RARS2: variants seen among roughly 807,000 people sequenced by gnomAD.
RARS2 encodes arginyl-tRNA synthetase 2, mitochondrial.
RARS2 carries 67 observed loss-of-function variants against 88.5 expected under a neutral mutation model. The ratio of observed to expected loss-of-function variants is 0.76; its 90% CI spans 0.62 to 0.93. RARS2 has a LOEUF of 0.93. Among genes scored for constraint, RARS2 ranks in the 40% least tolerant of loss-of-function variants. RARS2 has a pLI of 0.00. For synonymous variants in RARS2, 239 were observed against 230.3 expected, an observed-to-expected ratio of 1.04 and a Z score of -0.34; for missense variants, 664 against 684.2, an observed-to-expected ratio of 0.97 and a Z score of 0.33.
intron 1 of RARS2, among the ~76,000 whole-genome samples, chr6:87,570,989 G>C (rs907316429): frequency 6.6e-6 from 1 of 152,152 alleles, no homozygotes; most frequent in Non-Finnish European, 1.5e-5. Context: ...ACTTGCCTAA[G>C]TGGAAAGAAA....
intron 1 of RARS2, among the ~76,000 whole-genome samples, chr6:87,574,635 T>C (rs987561433): frequency 2.0e-5 from 3 of 152,080 alleles, no homozygotes; most frequent in Non-Finnish European, 4.4e-5. Flanking sequence ...AAATGTGGCA[T>C]ACAACAGATC....
Position 87,569,527 on chromosome 6 carries a change from A to T in RARS2, c.100T>A (p.Ser34Thr). The part of the protein sequence containing the change: ...LITSISAVPI[S>T]QKEEVADFQL... ...TGTATTATACTTAACTCTTTTTGGG[A>T]AATTGGAACTGCAGATATTGATGTG... Residue 34 changes from serine to threonine, a missense_variant, in exon 2 of 20, where the codon TCC (serine) becomes ACC (threonine). By Grantham distance (58) the Ser-to-Thr change is moderately conservative (BLOSUM62 1). Coordinates refer to ENST00000369536, the MANE Select transcript of RARS2 (RefSeq NM_020320.5). The T allele has an allele frequency of 6.3e-7, 1 of 1,596,716 alleles. No individual in the cohort carries two copies. The highest frequency in any genetic ancestry group is 8.6e-7 in the Non-Finnish European group (1 of 1,164,444).
intron 6 of RARS2, among the ~76,000 whole-genome samples, chr6:87,547,312 T>C (rs1047647960): frequency 2.0e-5 from 3 of 152,224 alleles, no homozygotes; most frequent in Non-Finnish European, 2.9e-5. Context: ...ATTTCTTCTC[T>C]TAAAATGCTG....
chr6:87,568,161 G>A (rs1227526374), intron 2 of RARS2, among the ~76,000 whole-genome samples: 2 of 152,214 alleles, frequency 1.3e-5, no homozygotes, highest in Admixed American at 1.3e-4. Flanking sequence ...GATGGGCCAA[G>A]ATGGTTCAGC....
At chr6:87,523,314 C>T (rs893355198) in intron 11 of RARS2, among the ~76,000 whole-genome samples, 5 of 152,164 alleles carry the variant, frequency 3.3e-5, no homozygotes, top group African/African-American at 1.2e-4. Context: ...GAGAGTTAAA[C>T]GACAGTCCCA....
rs922847652 is a variant in RARS2, at chr6:87,537,305, T to C, written c.612+4613A>G. Among the ~76,000 whole-genome samples, 4 of 152,260 alleles carry C rather than the reference T, an allele frequency of 2.6e-5. No homozygotes were observed. In the East Asian group the frequency reaches 7.7e-4, roughly 29 times the overall value. ...AATTCTATGTACATAATTAAACCAATGGAAATCAATGGTTCATAAAGCCAT... is the reference window on the plus strand; with the variant it reads ...AATTCTATGTACATAATTAAACCAACGGAAATCAATGGTTCATAAAGCCAT... On this transcript the variant is annotated intron_variant, in intron 8 of 19. Coordinates refer to ENST00000369536, the MANE Select transcript of RARS2 (RefSeq NM_020320.5).
intron 2 of RARS2, among the ~76,000 whole-genome samples, chr6:87,568,875 T>A (rs1364613476): frequency 2.0e-5 from 3 of 152,244 alleles, no homozygotes; most frequent in Non-Finnish European, 4.4e-5. Flanking sequence ...AAATGACTAC[T>A]ATGTAGCTAA....
At chr6:87,570,317 T>C (rs1769262469) in intron 1 of RARS2, among the ~76,000 whole-genome samples, 1 of 152,142 alleles carries the variant, frequency 6.6e-6, no homozygotes. Context: ...GATTTGTATT[T>C]TCTAAAAGCT....
chr6:87,537,835 A>G (rs1411547226), intron 8 of RARS2, among the ~76,000 whole-genome samples: 1 of 152,214 alleles, frequency 6.6e-6, no homozygotes, highest in Non-Finnish European at 1.5e-5. Context: ...CCAAGCATAG[A>G]ATCACGATCT....
intron 14 of RARS2, chr6:87,519,222 CTA>C: frequency 1.2e-5 from 2 of 170,560 alleles, no homozygotes; most frequent in Non-Finnish European, 2.1e-5. Context: ...ATATATATAT[CTA>C]TATATATCTG....
In RARS2 at chr6:87,541,905, C is replaced by A; in HGVS notation, c.612+13G>T. The A allele has an allele frequency of 1.2e-6, 2 of 1,604,726 alleles. No homozygotes were observed. The highest frequency in any genetic ancestry group is 1.7e-6 in the Non-Finnish European group (2 of 1,171,752). Reference sequence around the variant, plus strand: ...CTCTGAAAAATTTTTGAAATGTTTTCTTGCCAACTTACTTCAAAGAGATGC... The same window carrying A: ...CTCTGAAAAATTTTTGAAATGTTTTATTGCCAACTTACTTCAAAGAGATGC... On this transcript the variant is annotated intron_variant, in intron 8 of 19. Coordinates refer to ENST00000369536, the MANE Select transcript of RARS2 (RefSeq NM_020320.5).
intron 10 of RARS2, among the ~76,000 whole-genome samples, chr6:87,525,252 A>C (rs1225191650): frequency 1.3e-5 from 2 of 152,210 alleles, no homozygotes; most frequent in Non-Finnish European, 2.9e-5. Flanking sequence ...TACATTATAG[A>C]GGTCTGGGCT....
chr6:87,533,817 T>C (rs1316253140), intron 8 of RARS2, among the ~76,000 whole-genome samples: 1 of 152,220 alleles, frequency 6.6e-6, no homozygotes, highest in African/African-American at 2.4e-5. Context: ...AAAAGTAGTA[T>C]GATAAGCCTT....
chr6:87,574,949 AAG>A lies in RARS2; in HGVS notation c.37-5361_37-5360del, dbSNP rs140903411. On this transcript the variant is annotated intron_variant, in intron 1 of 19. Coordinates refer to ENST00000369536, the MANE Select transcript of RARS2 (RefSeq NM_020320.5). Reference sequence around the variant, plus strand: ...TCAGAAAAATAAACAGAATTGAAGAAAGATAATCCAACCTTAGGAAAATTGGT... The same window carrying A: ...TCAGAAAAATAAACAGAATTGAAGAAATAATCCAACCTTAGGAAAATTGGT... Among the ~76,000 whole-genome samples the A allele has an allele frequency of 9.1e-3, 1,382 of 152,256 alleles. 21 individuals are homozygous for A. The highest frequency in any genetic ancestry group is 0.031 in the African/African-American group (1,287 of 41,554).
chr6:87,517,399 T>C (rs1335809370), intron 17 of RARS2, among the ~76,000 whole-genome samples: 2 of 152,256 alleles, frequency 1.3e-5, no homozygotes, highest in African/African-American at 4.8e-5. Flanking sequence ...TGCTATTTCC[T>C]AGACCTAGTC....
chr6:87,575,227 A>G (rs1371437777), intron 1 of RARS2, among the ~76,000 whole-genome samples: 4 of 48,482 alleles, frequency 8.3e-5, no homozygotes, highest in African/African-American at 1.1e-4. Flanking sequence ...AATAGAAAGC[A>G]CACACACACA....
rs1582904663 is a variant in RARS2 at position 87,584,636 on chromosome 6, AAGC to A, written c.36+5283_36+5285del. ...CCACCATTATTAAGTGCTCCATGGT[AAGC>A]AGGTCTATACAAATCTACCCTCAAA... On this transcript the variant is annotated intron_variant, in intron 1 of 19. Coordinates refer to ENST00000369536, the MANE Select transcript of RARS2 (RefSeq NM_020320.5). 3 of 425,948 alleles carry A rather than the reference AAGC, an allele frequency of 7.0e-6. No individual in the cohort carries two copies. The East Asian group carries it at 2.3e-4, about 33-fold the overall frequency. 26.4% of individuals were successfully genotyped at this position (425,948 alleles called of 1,614,324 possible). A position where few individuals can be genotyped will look rare whatever the true frequency, so the allele number is the denominator to read the frequency against.
rs548070570 is a variant in RARS2 at position 87,519,546 on chromosome 6, G to GT, written c.1237+36dup. The GT allele has an allele frequency of 4.9e-3, 7,801 of 1,586,500 alleles. 44 individuals are homozygous for GT. Among genetic ancestry groups the GT allele is most frequent in the East Asian group, 0.011 (504 of 44,638 alleles). On this transcript the variant is annotated intron_variant, in intron 14 of 19. Coordinates refer to ENST00000369536, the MANE Select transcript of RARS2 (RefSeq NM_020320.5). ...GTCCAGAATAACATAAAAGTGGCAC[G>GT]TAAGTTATGACTTTAATAAGAAAAA...
intron 8 of RARS2, among the ~76,000 whole-genome samples, chr6:87,535,158 C>CTAGCCATAACAGTAACCAGATG (rs1481580343): frequency 6.6e-6 from 1 of 152,190 alleles, no homozygotes; most frequent in Non-Finnish European, 1.5e-5. Flanking sequence ...AAAATTCATA[C>CTAGCCATAACAGTAACCAGATG]TAGCCATAAC....
Sources: allele counts gnomAD v4.1 joint callset (sites outside exome capture counted in the v4.1 genomes callset), GRCh38; gene constraint gnomAD v4.1.1; transcripts MANE v1.5; gene names NCBI Gene and HGNC (gene_info 2026-07-23, HGNC 2026-07-21).